The following PRKD3 variants were observed in gnomAD, a reference collection of about 807,000 sequenced individuals.
PRKD3 encodes the protein protein kinase D3.
In PRKD3, 47 loss-of-function variants were observed where a neutral mutation model predicts 99.2. That is an observed-to-expected ratio of 0.47 (90% CI 0.38 to 0.60). PRKD3 has a LOEUF of 0.60. Ranked by LOEUF, PRKD3 falls within the 20% of genes least tolerant of loss-of-function variation. The pLI is 0.00. For missense variants in PRKD3, 1,019 were observed against 1,088.4 expected, an observed-to-expected ratio of 0.94 and a Z score of 0.90; for synonymous variants, 392 against 355.4, an observed-to-expected ratio of 1.10 and a Z score of -1.16.
At chr2:37,296,007 T>C (rs1226326897) in intron 2 of PRKD3, among the ~76,000 whole-genome samples, 1 of 151,932 alleles carries the variant, frequency 6.6e-6, no homozygotes, top group Non-Finnish European at 1.5e-5. Flanking sequence ...AGCAAGTAAA[T>C]GGAAAGAGAC....
chr2:37,323,323 T>G (rs1438932005), intron 1 of PRKD3, among the ~76,000 whole-genome samples: 1 of 151,538 alleles, frequency 6.6e-6, no homozygotes, highest in Non-Finnish European at 1.5e-5. Context: ...AAATGTGAAA[T>G]GCTATATACT....
At chr2:37,271,683 G>A (rs1437971456) in intron 12 of PRKD3, among the ~76,000 whole-genome samples, 4 of 152,156 alleles carry the variant, frequency 2.6e-5, no homozygotes, top group Admixed American at 6.5e-5. Context: ...CTGTGCATGC[G>A]AGGGATCTAG....
At chr2:37,318,171 G>C (rs1431358498) in intron 1 of PRKD3, among the ~76,000 whole-genome samples, 2 of 152,032 alleles carry the variant, frequency 1.3e-5, no homozygotes, top group Non-Finnish European at 2.9e-5. Flanking sequence ...GAACGTGACA[G>C]AAGGGCAAAA....
Position 37,316,697 on chromosome 2 carries a change from T to C in PRKD3, c.-173A>G. On this transcript the variant is annotated 5_prime_UTR_variant, in exon 2 of 19. Transcript: ENST00000234179. The stretch of plus-strand genomic sequence containing the variant: ...GATACTTTTAAGTTTTATCAAGGAG[T>C]TGAATGCCCCAAAGGTCCTATTTCT... 7 of 1,430,292 alleles carry C rather than the reference T, an allele frequency of 4.9e-6. No homozygotes were observed. The highest frequency in any genetic ancestry group is 6.4e-6 in the Non-Finnish European group (7 of 1,099,352). The allele number at this position is 1,430,292 out of a possible 1,614,324, so 88.6% of individuals were successfully genotyped here. A position where few individuals can be genotyped will look rare whatever the true frequency, so the allele number is the denominator to read the frequency against.
chr2:37,324,556 G>A (rs1225951539), intron 1 of PRKD3, 125 bp downstream of exon 1: 1 of 149,436 alleles, frequency 6.7e-6, no homozygotes, highest in East Asian at 2.0e-4. Context: ...GGGGGGTTGG[G>A]GGTTTGGGGG....
chr2:37,260,277 T>C lies in PRKD3; in HGVS notation c.1992A>G (p.Leu664=), dbSNP rs1311081882. 2 of 1,611,482 alleles carry C rather than the reference T, an allele frequency of 1.2e-6. No homozygotes were observed. Among genetic ancestry groups the C allele is most frequent in the African/African-American group, 1.3e-5 (1 of 74,854 alleles). ...CTGGAAGCCGACTTTTCTCACTGGATAGAATCATTTCCAACATATCTCCAT... is the reference window on the plus strand; with the variant it reads ...CTGGAAGCCGACTTTTCTCACTGGACAGAATCATTTCCAACATATCTCCAT... The part of the protein sequence containing the change: ...KLHGDMLEMI[L]SSEKSRLPER... Residue 664 remains leucine (L), a synonymous_variant, in exon 15 of 19, where the codon CTA becomes CTG. Transcript: ENST00000234179.
intron 12 of PRKD3, among the ~76,000 whole-genome samples, chr2:37,270,040 C>G (rs1459876285): frequency 6.6e-6 from 1 of 152,076 alleles, no homozygotes; most frequent in Admixed American, 6.5e-5. Flanking sequence ...CCAGCCTGAC[C>G]AACAAGGAGA....
Position 37,252,598 on chromosome 2 carries a change from T to G in PRKD3, c.*579A>C, listed in dbSNP as rs545419412. ...TCTTGATTGACCTAAAAAAGAAAGG[T>G]AAAACAGCCCAGTGCGCTTTTTCTA... is the stretch of plus-strand genomic sequence containing the variant. On this transcript the variant is annotated 3_prime_UTR_variant, in exon 19 of 19. Coordinates refer to ENST00000234179, the MANE Select transcript of PRKD3 (RefSeq NM_005813.6). The G allele has an allele frequency of 1.3e-5, 2 of 152,076 alleles. No homozygotes were observed. Among genetic ancestry groups the G allele is most frequent in the Non-Finnish European group, 1.5e-5 (1 of 67,988 alleles). The allele number at this position is 152,076 out of a possible 1,614,324, so 9.4% of individuals were successfully genotyped here.
At chr2:37,279,404 A>T (rs1240623956) in intron 8 of PRKD3, 3 of 161,868 alleles carry the variant, frequency 1.9e-5, no homozygotes, top group Admixed American at 6.4e-5. Flanking sequence ...TGTGTGAAAA[A>T]CAGGTTGCTT....
At chr2:37,268,493 C>T in intron 13 of PRKD3, 1 of 365,686 alleles carries the variant, frequency 2.7e-6, no homozygotes, top group South Asian at 2.1e-5. Context: ...ATCTCACAGC[C>T]AACGCTCCAA....
chr2:37,291,931 T>G (rs1670448356), intron 3 of PRKD3, among the ~76,000 whole-genome samples: 1 of 152,174 alleles, frequency 6.6e-6, no homozygotes, highest in South Asian at 2.1e-4. Context: ...TTTCTTCCTT[T>G]TCACTCCTTA....
Position 37,316,434 on chromosome 2 carries a change from T to C in PRKD3, c.91A>G (p.Ser31Gly), listed in dbSNP as rs377326066. 10 of 1,614,136 alleles carry C rather than the reference T, an allele frequency of 6.2e-6. No homozygotes were observed. Among genetic ancestry groups the C allele is most frequent in the African/African-American group, 4.0e-5 (3 of 74,944 alleles). Residue 31 changes from serine (S) to glycine (G), a missense_variant, in exon 2 of 19, where the codon AGT becomes GGT. Around this residue, in one of 3 missense-constraint regions of PRKD3, gnomAD observed 710 missense variants for 692.7 expected, o/e 1.02. Coordinates refer to ENST00000234179, the MANE Select transcript of PRKD3 (RefSeq NM_005813.6). The stretch of plus-strand genomic sequence containing the variant: ...CGGGCAGAGAGTCCCGTCTTAGGAC[T>C]TGAACACGGAGAAGCAGCTGGAAGC... ...AVLPAASPCS[S>G]PKTGLSARLS...
intron 2 of PRKD3, among the ~76,000 whole-genome samples, chr2:37,293,532 C>T (rs1670541825): frequency 6.6e-6 from 1 of 152,184 alleles, no homozygotes; most frequent in South Asian, 2.1e-4. Flanking sequence ...TACAGGATTT[C>T]TATATTCAGT....
intron 2 of PRKD3, among the ~76,000 whole-genome samples, chr2:37,313,043 T>C (rs1671506578): frequency 6.6e-6 from 1 of 152,208 alleles, no homozygotes; most frequent in South Asian, 2.1e-4. Flanking sequence ...TATTACATTA[T>C]AAAGTGCTAT....
chr2:37,307,913 G>C (rs73924802), intron 2 of PRKD3, among the ~76,000 whole-genome samples: 8,028 of 152,218 alleles, frequency 0.053, 679 homozygotes, highest in African/African-American at 0.18. Context: ...TGATATTCTT[G>C]TTAGAATTTA....
intron 5 of PRKD3, among the ~76,000 whole-genome samples, chr2:37,289,068 T>C (rs1465242042): frequency 9.1e-6 from 1 of 109,364 alleles, no homozygotes; most frequent in Non-Finnish European, 1.9e-5. Context: ...AAACAAAAAT[T>C]AAAAAAAAAA....
intron 4 of PRKD3, among the ~76,000 whole-genome samples, chr2:37,290,067 T>C (rs1670325476): frequency 6.6e-6 from 1 of 152,190 alleles, no homozygotes; most frequent in South Asian, 2.1e-4. Context: ...ACAGAGACCA[T>C]ATGGCCAACA....
intron 2 of PRKD3, among the ~76,000 whole-genome samples, chr2:37,301,794 T>C (rs1670944304): frequency 6.6e-6 from 1 of 152,230 alleles, no homozygotes; most frequent in African/African-American, 2.4e-5. Context: ...TGATGACATG[T>C]TTAAGTAATT....
intron 2 of PRKD3, among the ~76,000 whole-genome samples, chr2:37,302,295 C>T (rs753511619): frequency 3.3e-5 from 5 of 152,196 alleles, no homozygotes; most frequent in African/African-American, 9.6e-5. Context: ...GATGACCCCT[C>T]TTGACTGTGC....
Sources: allele counts gnomAD v4.1 joint callset (sites outside exome capture counted in the v4.1 genomes callset), GRCh38; gene constraint gnomAD v4.1.1; regional missense constraint gnomAD v4.1.1; transcripts MANE v1.5; gene names NCBI Gene and HGNC (gene_info 2026-07-23, HGNC 2026-07-21).